ANKRD44: variants seen among roughly 807,000 people sequenced by gnomAD.
ANKRD44 encodes ankyrin repeat domain 44, also known as serine/threonine-protein phosphatase 6 regulatory ankyrin repeat subunit B.
Under a neutral mutation model 116.0 loss-of-function variants are expected in ANKRD44, and 35 were observed. The ratio of observed to expected loss-of-function variants is 0.30; its 90% CI spans 0.23 to 0.40. The LOEUF is 0.40. ANKRD44 is among the 10% of genes least tolerant of loss of function. The probability of loss-of-function intolerance (pLI) is 1.00; values close to 1 mark genes in which losing one functional copy is unlikely to be tolerated. For missense variants in ANKRD44, 1,014 were observed against 1,242.6 expected, an observed-to-expected ratio of 0.82 and a Z score of 2.77; for synonymous variants, 435 against 461.8, an observed-to-expected ratio of 0.94 and a Z score of 0.74.
chr2:197,054,685 G>A (rs2376204), intron 16 of ANKRD44, among the ~76,000 whole-genome samples: 6,032 of 152,192 alleles, frequency 0.04, 152 homozygotes, highest in Middle Eastern at 0.078. Context: ...TTAACCACTG[G>A]GGAATTCCTG....
chr2:197,040,501 C>A (rs144899914), intron 16 of ANKRD44, among the ~76,000 whole-genome samples: 1 of 151,216 alleles, frequency 6.6e-6, no homozygotes, highest in African/African-American at 2.4e-5. Flanking sequence ...CTCAGCCTCC[C>A]GAGCAGCTGG....
At chr2:197,065,117 T>C (rs561285253) in intron 16 of ANKRD44, among the ~76,000 whole-genome samples, 1 of 152,326 alleles carries the variant, frequency 6.6e-6, no homozygotes, top group Non-Finnish European at 1.5e-5. Flanking sequence ...CAGACCATAA[T>C]GCAATCAAAC....
At chr2:196,994,474 C>T (rs11894924) in intron 26 of ANKRD44, 8,582 of 151,740 alleles carry the variant, frequency 0.057, 806 homozygotes, top group African/African-American at 0.2. Context: ...GCATGAGCCA[C>T]GACACCCAGC....
At chr2:197,233,032 G>C (rs1427754212) in intron 1 of ANKRD44, among the ~76,000 whole-genome samples, 1 of 152,176 alleles carries the variant, frequency 6.6e-6, no homozygotes, top group Non-Finnish European at 1.5e-5. Flanking sequence ...ACTGGTAACT[G>C]TACAAAATAT....
chr2:197,252,129 T>A, intron 1 of ANKRD44, among the ~76,000 whole-genome samples: 1 of 152,146 alleles, frequency 6.6e-6, no homozygotes, highest in Non-Finnish European at 1.5e-5. Flanking sequence ...TTTGTTTTGC[T>A]TAAATAGGAA....
At chr2:197,078,460 C>T (rs191015191) in intron 16 of ANKRD44, 452 of 1,097,480 alleles carry the variant, frequency 4.1e-4, no homozygotes, top group Non-Finnish European at 5.3e-4. Flanking sequence ...ATATCGATGA[C>T]TACCATGCTT....
intron 16 of ANKRD44, among the ~76,000 whole-genome samples, chr2:197,041,288 G>A (rs1358269618): frequency 6.6e-6 from 1 of 152,050 alleles, no homozygotes; most frequent in African/African-American, 2.4e-5. Flanking sequence ...CTCTTCAAGG[G>A]TCTACTTTAT....
At position 196,986,730 on chromosome 2, in the gene ANKRD44, C is replaced by T. The variant is rs1389916944; in HGVS notation, c.*2861G>A. ...CTGAATGCATTTCCATAGTATATTA[C>T]AGTTAAGTACTTCATTACGTTATTA... On this transcript the variant is annotated 3_prime_UTR_variant, in exon 28 of 28. Coordinates refer to ENST00000282272, the MANE Select transcript of ANKRD44 (RefSeq NM_001195144.2). 4 of 978,790 alleles carry T rather than the reference C, an allele frequency of 4.1e-6. No individual in the cohort carries two copies. Among genetic ancestry groups the T allele is most frequent in the African/African-American group, 1.8e-5 (1 of 57,102 alleles). 60.6% of individuals were successfully genotyped at this position (978,790 alleles called of 1,614,324 possible). A position where few individuals can be genotyped will look rare whatever the true frequency, so the allele number is the denominator to read the frequency against.
intron 17 of ANKRD44, among the ~76,000 whole-genome samples, chr2:197,014,554 G>A (rs576176790): frequency 1.8e-3 from 270 of 152,188 alleles, no homozygotes; most frequent in Non-Finnish European, 3.2e-3. Context: ...TTGGGAGGCC[G>A]AGACGGGTGG....
At position 197,302,623 on chromosome 2, in the gene ANKRD44, C is replaced by T. The variant is rs186242739; in HGVS notation, c.27+7955G>A. Reference sequence around the variant, plus strand: ...TGGTTGGTTGATTTGTCCCGGCTGACCTGAATGTCTGCCTGGCTTTCTGTC... The same window carrying T: ...TGGTTGGTTGATTTGTCCCGGCTGATCTGAATGTCTGCCTGGCTTTCTGTC... On this transcript the variant is annotated intron_variant, in intron 1 of 27. Coordinates refer to ENST00000282272, the MANE Select transcript of ANKRD44 (RefSeq NM_001195144.2). 103 of 152,288 alleles carry T rather than the reference C, an allele frequency of 6.8e-4. 1 individual carries two copies. Among genetic ancestry groups the T allele is most frequent in the African/African-American group, 2.2e-3 (93 of 41,540 alleles). The allele number at this position is 152,288 out of a possible 1,614,324, so 9.4% of individuals were successfully genotyped here. A position where few individuals can be genotyped will look rare whatever the true frequency, so the allele number is the denominator to read the frequency against.
At chr2:197,248,849 G>A (rs753452927) in intron 1 of ANKRD44, among the ~76,000 whole-genome samples, 8 of 152,030 alleles carry the variant, frequency 5.3e-5, no homozygotes, top group Non-Finnish European at 1.2e-4. Flanking sequence ...GGTGATGGTG[G>A]GGGTGCTGGA....
intron 2 of ANKRD44, among the ~76,000 whole-genome samples, chr2:197,147,417 T>A (rs1208577020): frequency 9.1e-6 from 1 of 109,338 alleles, no homozygotes; most frequent in East Asian, 3.0e-4. Context: ...TTTCCAAACC[T>A]TCAGGATGGT....
At chr2:197,089,521 C>T (rs1368022764) in intron 11 of ANKRD44, among the ~76,000 whole-genome samples, 2 of 152,064 alleles carry the variant, frequency 1.3e-5, no homozygotes, top group South Asian at 2.1e-4. Flanking sequence ...TTTTCAGTGC[C>T]CAGGGAGTGG....
At chr2:197,281,485 G>GA (rs2083262406) in intron 1 of ANKRD44, among the ~76,000 whole-genome samples, 1 of 152,000 alleles carries the variant, frequency 6.6e-6, no homozygotes, top group Non-Finnish European at 1.5e-5. Context: ...AGCTTAAACT[G>GA]AAAAAACATC....
chr2:197,206,365 A>G (rs2081205596), intron 1 of ANKRD44, among the ~76,000 whole-genome samples: 1 of 152,184 alleles, frequency 6.6e-6, no homozygotes, highest in Non-Finnish European at 1.5e-5. Context: ...GCTAGGGAAA[A>G]GATGTTTAGG....
intron 2 of ANKRD44, among the ~76,000 whole-genome samples, chr2:197,170,586 T>G (rs1196893277): frequency 6.6e-6 from 1 of 152,248 alleles, no homozygotes; most frequent in African/African-American, 2.4e-5. Flanking sequence ...ATCTTTATCT[T>G]TCTTAGACTT....
chr2:197,273,115 G>A (rs368178902), intron 1 of ANKRD44, among the ~76,000 whole-genome samples: 73 of 152,184 alleles, frequency 4.8e-4, no homozygotes, highest in African/African-American at 1.7e-3. Flanking sequence ...CCATTGAAAA[G>A]CTCAAAGGCC....
intron 1 of ANKRD44, among the ~76,000 whole-genome samples, chr2:197,285,309 T>C (rs1174542154): frequency 6.6e-6 from 1 of 152,122 alleles, no homozygotes; most frequent in Admixed American, 6.6e-5. Flanking sequence ...CTGGAACATG[T>C]CTGATGCTAT....
intron 21 of ANKRD44, among the ~76,000 whole-genome samples, chr2:196,968,287 T>C (rs532057085): frequency 6.6e-6 from 1 of 152,336 alleles, no homozygotes; most frequent in East Asian, 1.9e-4. Context: ...AGGATGTTAC[T>C]GAAATTGGCT....
Sources: allele counts gnomAD v4.1 joint callset (sites outside exome capture counted in the v4.1 genomes callset), GRCh38; gene constraint gnomAD v4.1.1; transcripts MANE v1.5; gene names NCBI Gene and HGNC (gene_info 2026-07-23, HGNC 2026-07-21).